WTAP: variants seen among roughly 807,000 people sequenced by gnomAD.
WTAP encodes WT1 associated protein, also known as pre-mRNA-splicing regulator WTAP.
In WTAP, 8 loss-of-function variants were observed where a neutral mutation model predicts 50.0. That is an observed-to-expected ratio of 0.16 (90% CI 0.09 to 0.29). The LOEUF (loss-of-function observed/expected upper bound fraction) is 0.29, where lower values mean the gene tolerates loss of function less well. Among genes scored for constraint, WTAP ranks in the 10% least tolerant of loss-of-function variants. The probability of loss-of-function intolerance (pLI) is 1.00; values close to 1 mark genes in which losing one functional copy is unlikely to be tolerated. For missense variants in WTAP, 295 were observed against 470.7 expected (o/e 0.63, Z 3.45); for synonymous variants, 194 against 169.0 (o/e 1.15, Z -1.15).
chr6:159,753,227 C>T (rs1287481098), intron 6 of WTAP: 3 of 518,610 alleles, frequency 5.8e-6, no homozygotes, highest in Non-Finnish European at 1.0e-5. Context: ...GTAATAGAAA[C>T]AAGGTGTAGC....
chr6:159,739,923 A>T (rs1230920022), intron 3 of WTAP, among the ~76,000 whole-genome samples: 1 of 139,252 alleles, frequency 7.2e-6, no homozygotes, highest in Non-Finnish European at 1.5e-5. Flanking sequence ...TAAAATTTAA[A>T]TTTTTGTTAT....
intron 4 of WTAP, among the ~76,000 whole-genome samples, chr6:159,743,047 T>C (rs1378659317): frequency 1.3e-5 from 2 of 152,170 alleles, no homozygotes; most frequent in Non-Finnish European, 2.9e-5. Flanking sequence ...TACTATTTTA[T>C]TTATTTATTT....
rs1427418212 is a variant in WTAP at position 159,727,851 on chromosome 6, T to TA, written c.-9+149dup. ...GGCACCGGTCTCTCGTGAGCCGCTC[T>TA]ACCTTCCCGCCTGCGGGGAACACTT... On this transcript the variant is annotated intron_variant, in intron 1 of 7. Coordinates refer to ENST00000621533, the MANE Select transcript of WTAP (RefSeq NM_001270531.2). 24 of 505,864 alleles carry TA rather than the reference T, an allele frequency of 4.7e-5. No homozygotes were observed. The African/African-American group carries it at 4.8e-4, about 10-fold the overall frequency. The allele number at this position is 505,864 out of a possible 1,614,324, so 31.3% of individuals were successfully genotyped here. A position where few individuals can be genotyped will look rare whatever the true frequency, so the allele number is the denominator to read the frequency against.
intron 3 of WTAP, among the ~76,000 whole-genome samples, chr6:159,740,479 A>G (rs1405504146): frequency 1.3e-5 from 2 of 152,112 alleles, no homozygotes; most frequent in African/African-American, 4.8e-5. Context: ...CTTGTGATAT[A>G]CATGTTCTTG....
At chr6:159,752,194 T>C (rs1330174081) in intron 6 of WTAP, among the ~76,000 whole-genome samples, 1 of 152,178 alleles carries the variant, frequency 6.6e-6, no homozygotes, top group African/African-American at 2.4e-5. Context: ...AGTGAAAGCC[T>C]CACTAGAAGA....
chr6:159,732,884 ATAGTGTGTGT>A (rs1778668356), intron 1 of WTAP, among the ~76,000 whole-genome samples: 1 of 83,418 alleles, frequency 1.2e-5, no homozygotes, highest in African/African-American at 5.7e-5. Flanking sequence ...GTATATATAT[ATAGTGTGTGT>A]GTGTGTGTGT....
chr6:159,732,819 A>G (rs1180195420), intron 1 of WTAP, among the ~76,000 whole-genome samples: 1 of 149,930 alleles, frequency 6.7e-6, no homozygotes, highest in African/African-American at 2.5e-5. Flanking sequence ...GACCGGGCGC[A>G]GGGGGAGGGG....
At chr6:159,742,846 A>G (rs1288724762) in intron 4 of WTAP, among the ~76,000 whole-genome samples, 3 of 151,914 alleles carry the variant, frequency 2.0e-5, no homozygotes, top group Non-Finnish European at 4.4e-5. Context: ...ACTTGAGCCC[A>G]GGAGTTTGAG....
chr6:159,747,915 A>G (rs1002387606), intron 5 of WTAP, among the ~76,000 whole-genome samples: 4 of 152,210 alleles, frequency 2.6e-5, no homozygotes, highest in Non-Finnish European at 5.9e-5. Context: ...TAATTGACAA[A>G]TAAGTTTTTT....
Position 159,735,727 on chromosome 6 carries a change from C to T in WTAP, c.-8-531C>T, listed in dbSNP as rs572173507. ...TCGCGCCACTGCACTCCATCCTGGGCGACAGAGTGAGACTGTGTCTCAAAA... is the reference window on the plus strand; with the variant it reads ...TCGCGCCACTGCACTCCATCCTGGGTGACAGAGTGAGACTGTGTCTCAAAA... On this transcript the variant is annotated intron_variant, in intron 1 of 7. Coordinates refer to ENST00000621533, the MANE Select transcript of WTAP (RefSeq NM_001270531.2). Among the ~76,000 whole-genome samples the T allele has an allele frequency of 6.6e-5, 10 of 151,852 alleles. No individual in the cohort carries two copies. In the South Asian group the frequency reaches 1.7e-3, roughly 25 times the overall value.
intron 1 of WTAP, among the ~76,000 whole-genome samples, chr6:159,734,061 T>C (rs910255025): frequency 5.3e-5 from 8 of 152,208 alleles, no homozygotes; most frequent in Admixed American, 3.9e-4. Flanking sequence ...AATGTTTCAT[T>C]TATAAAGTGG....
intron 5 of WTAP, among the ~76,000 whole-genome samples, chr6:159,746,588 A>G (rs1451879790): frequency 6.6e-6 from 1 of 152,160 alleles, no homozygotes; most frequent in African/African-American, 2.4e-5. Flanking sequence ...ATCAGTAGTC[A>G]ATTTAGTTAG....
chr6:159,739,015 A>G lies in WTAP; in HGVS notation c.56A>G (p.Lys19Arg), dbSNP rs148080007. Residue 19 changes from lysine to arginine, a missense_variant, in exon 3 of 8, where the codon AAA becomes AGA. Lys to Arg is a conservative substitution (Grantham distance 26). Around this residue, in one of 2 missense-constraint regions of WTAP, gnomAD observed 120 missense variants for 287.6 expected, o/e 0.42. Coordinates refer to ENST00000621533, the MANE Select transcript of WTAP (RefSeq NM_001270531.2). Reference sequence around the variant, plus strand: ...GTTCGATTGAGTGAAACAGACTTCAAAGTTATGGCAAGAGATGAGTTAATT... The same window carrying G: ...GTTCGATTGAGTGAAACAGACTTCAGAGTTATGGCAAGAGATGAGTTAATT... ...KKVRLSETDFKVMARDELILR... is the reference protein window; with the variant it reads ...KKVRLSETDFRVMARDELILR... 247 of 1,612,308 alleles carry G rather than the reference A, an allele frequency of 1.5e-4. 1 individual carries two copies. The highest frequency in any genetic ancestry group is 1.3e-3 in the East Asian group (60 of 44,680).
At chr6:159,752,298 T>G (rs541425363) in intron 6 of WTAP, among the ~76,000 whole-genome samples, 4 of 152,254 alleles carry the variant, frequency 2.6e-5, no homozygotes, top group Non-Finnish European at 5.9e-5. Context: ...TATCCAAGTC[T>G]CAAAGGTAAA....
intron 6 of WTAP, among the ~76,000 whole-genome samples, chr6:159,751,418 T>C (rs1233236822): frequency 3.3e-5 from 5 of 152,240 alleles, no homozygotes; most frequent in East Asian, 3.8e-4. Flanking sequence ...ATATATACTT[T>C]GCAAGAAGAC....
chr6:159,727,043 A>G (rs1778210055), upstream of WTAP: 5 of 1,225,604 alleles, frequency 4.1e-6, no homozygotes, highest in Non-Finnish European at 5.2e-6. Flanking sequence ...GGCCCCGGCG[A>G]GTACTTCCAC....
chr6:159,753,525 G>A lies in WTAP; in HGVS notation c.518G>A (p.Arg173Lys). 6.2e-7 allele frequency: 1 copy of A among 1,614,194 alleles called. No homozygotes were observed. Among genetic ancestry groups the A allele is most frequent in the Non-Finnish European group, 8.5e-7 (1 of 1,180,034 alleles). The change falls in exon 7 of 8, where the codon AGG becomes AAG. Residue 173 changes from arginine to lysine, a missense_variant. Around this residue, in one of 2 missense-constraint regions of WTAP, gnomAD observed 120 missense variants for 287.6 expected, o/e 0.42. Transcript: ENST00000621533. ...ATCCAGGAGAATCAAGAGCTTGGAA[G>A]GCAGCTGTCCCAGGGACGTATTGCA... ...MLIQENQELG[R>K]QLSQGRIAQL...
At chr6:159,736,329 T>C in intron 2 of WTAP, 34 bp downstream of exon 2, 1 of 1,508,582 alleles carries the variant, frequency 6.6e-7, no homozygotes, top group Non-Finnish European at 9.1e-7. Flanking sequence ...TTTTGTTTTG[T>C]TTTGGGTTTT....
chr6:159,754,864 CAT>C (rs2114961177), intron 7 of WTAP, among the ~76,000 whole-genome samples, 162 bp from the exon 8 acceptor site: 1 of 152,272 alleles, frequency 6.6e-6, no homozygotes, highest in South Asian at 2.1e-4. Flanking sequence ...CAAACTCAGT[CAT>C]ATTTTAAGAT....
Sources: gnomAD v4.1 joint callset for allele counts (sites outside exome capture counted in the v4.1 genomes callset) on GRCh38, gnomAD v4.1.1 for gene constraint, gnomAD v4.1.1 regional missense constraint, MANE v1.5 for transcripts, NCBI Gene and HGNC (gene_info 2026-07-23, HGNC 2026-07-21) for gene names.